CARD6: variants seen among roughly 807,000 people sequenced by gnomAD.
CARD6 encodes caspase recruitment domain family member 6, also known as caspase recruitment domain-containing protein 6.
A neutral mutation model predicts 23.6 loss-of-function variants in CARD6; 27 were observed. The observed-to-expected ratio is 1.14, with a 90% CI of 0.84 to 1.58. The LOEUF (loss-of-function observed/expected upper bound fraction) is 1.58. Among genes scored for constraint, CARD6 ranks in the 40% most tolerant of loss-of-function variants. The pLI, the probability that CARD6 is intolerant of heterozygous loss-of-function variation, is 0.00. For missense variants in CARD6, 1,214 were observed against 1,209.9 expected (o/e 1.00, Z -0.05); for synonymous variants, 397 against 431.8 (o/e 0.92, Z 1.00).
chr5:40,854,408 C>T lies in CARD6; in HGVS notation c.3076C>T (p.His1026Tyr), dbSNP rs1010948841. 6.2e-7 allele frequency: 1 copy of T among 1,613,968 alleles called. No homozygotes were observed. The highest frequency in any genetic ancestry group is 2.2e-5 in the East Asian group (1 of 44,896). Residue 1026 changes from histidine (H) to tyrosine (Y), a missense_variant, in exon 3 of 3, where the codon CAC becomes TAC. Transcript: ENST00000254691. Reference sequence around the variant, plus strand: ...CAATCCTTCACAAGCTAAGGCACACCACTCAAAAGCAGGGCAGAAGAGGGG... The same window carrying T: ...CAATCCTTCACAAGCTAAGGCACACTACTCAAAAGCAGGGCAGAAGAGGGG... ...STNPSQAKAH[H>Y]SKAGQKRGGK...
Position 40,852,895 on chromosome 5 carries a change from CT to C in CARD6, c.1568del (p.Phe523SerfsTer14). The C allele has an allele frequency of 6.2e-7, 1 of 1,613,920 alleles. No individual in the cohort carries two copies. ...PDSDDRKENPFFQKPVALANL... is the reference protein window; with the variant it reads ...PDSDDRKENPXFQKPVALANL... ...ATAGCGATGATAGAAAGGAAAACCC[CT>C]TTTTCCAAAAGCCTGTTGCTCTGGC... On this transcript the variant is annotated frameshift_variant, in exon 3 of 3. Coordinates refer to ENST00000254691, the MANE Select transcript of CARD6 (RefSeq NM_032587.4). LOFTEE classifies it low-confidence loss of function (END_TRUNC).
intron 2 of CARD6, among the ~76,000 whole-genome samples, chr5:40,846,570 C>A (rs1238656437): frequency 6.6e-6 from 1 of 152,124 alleles, no homozygotes; most frequent in Admixed American, 6.5e-5. Flanking sequence ...GAGGGTCATG[C>A]TCCCTCTGGA....
intron 2 of CARD6, among the ~76,000 whole-genome samples, chr5:40,849,960 A>G (rs1397604161): frequency 6.6e-6 from 1 of 151,728 alleles, no homozygotes; most frequent in South Asian, 2.1e-4. Context: ...AGCCTAGGTA[A>G]CAGTACAAGA....
chr5:40,842,019 T>C (rs542226064), intron 1 of CARD6, among the ~76,000 whole-genome samples: 4 of 152,332 alleles, frequency 2.6e-5, no homozygotes, highest in Non-Finnish European at 4.4e-5. Flanking sequence ...AGTAGATGAA[T>C]TCGTGGATAT....
chr5:40,844,243 T>A (rs1745929127), intron 2 of CARD6, among the ~76,000 whole-genome samples: 1 of 152,122 alleles, frequency 6.6e-6, no homozygotes, highest in Non-Finnish European at 1.5e-5. Context: ...TTTCTTTATT[T>A]AAAAAAAATT....
intron 2 of CARD6, among the ~76,000 whole-genome samples, chr5:40,850,914 A>G (rs1746054453): frequency 6.6e-6 from 1 of 152,170 alleles, no homozygotes; most frequent in Non-Finnish European, 1.5e-5. Context: ...ATGGAGTACC[A>G]TGAAATAGCT....
At chr5:40,846,914 G>C (rs1276815295) in intron 2 of CARD6, among the ~76,000 whole-genome samples, 2 of 152,104 alleles carry the variant, frequency 1.3e-5, no homozygotes, top group African/African-American at 4.8e-5. Flanking sequence ...ACATTCTGTT[G>C]ACCAAAGCAA....
Position 40,854,552 on chromosome 5 carries a change from A to T in CARD6, c.*106A>T. On this transcript the variant is annotated 3_prime_UTR_variant, in exon 3 of 3. Coordinates refer to ENST00000254691, the MANE Select transcript of CARD6 (RefSeq NM_032587.4). Reference sequence around the variant, plus strand: ...AAAGTAAAAGACTACTGTCATTAGCATGTAAAACAAAGAAAGATATACATG... The same window carrying T: ...AAAGTAAAAGACTACTGTCATTAGCTTGTAAAACAAAGAAAGATATACATG... 1 of 878,692 alleles carries T rather than the reference A, an allele frequency of 1.1e-6. No homozygotes were observed. The highest frequency in any genetic ancestry group is 1.8e-6 in the Non-Finnish European group (1 of 559,242). 54.4% of individuals were successfully genotyped at this position (878,692 alleles called of 1,614,324 possible).
Position 40,853,674 on chromosome 5 carries a change from A to G in CARD6, c.2342A>G (p.Lys781Arg), listed in dbSNP as rs1369874655. 2 of 1,614,194 alleles carry G rather than the reference A, an allele frequency of 1.2e-6. No individual in the cohort carries two copies. The highest frequency in any genetic ancestry group is 2.2e-5 in the East Asian group (1 of 44,890). ...FQNAGAQGRG[K>R]SFGIQSFHPQ... is the part of the protein sequence containing the mutation. ...AATGCAGGGGCCCAGGGCCGAGGTA[A>G]AAGTTTTGGTATTCAATCCTTCCAT... The change falls in exon 3 of 3, where the codon AAA (lysine) becomes AGA (arginine). Residue 781 changes from lysine (K) to arginine (R), a missense_variant. Transcript: ENST00000254691.
intron 2 of CARD6, among the ~76,000 whole-genome samples, chr5:40,844,688 T>C (rs910847758): frequency 6.6e-6 from 1 of 152,150 alleles, no homozygotes; most frequent in African/African-American, 2.4e-5. Context: ...ATAATCCACT[T>C]ATGGGTAGGA....
chr5:40,851,626 G>A (rs1215056119), intron 2 of CARD6, among the ~76,000 whole-genome samples: 1 of 151,668 alleles, frequency 6.6e-6, no homozygotes, highest in Non-Finnish European at 1.5e-5. Flanking sequence ...GACCAGCCTA[G>A]CCAACATGGT....
chr5:40,853,754 G>A lies in CARD6; in HGVS notation c.2422G>A (p.Gly808Arg), dbSNP rs754194152. The A allele has an allele frequency of 3.1e-6, 5 of 1,614,048 alleles. No homozygotes were observed. In the African/African-American group the frequency reaches 5.3e-5, roughly 17 times the overall value. The change falls in exon 3 of 3, where the codon GGA (glycine) becomes AGA (arginine). Residue 808 changes from glycine (G) to arginine (R), a missense_variant. Transcript: ENST00000254691. ...CATGAAATTTTCCAGAGTTGCTCGG[G>A]GATGTCACTCGAATGGAACATTTGG... The part of the protein sequence containing the change: ...RFMKFSRVAR[G>R]CHSNGTFGRL...
chr5:40,852,772 GA>G lies in CARD6; in HGVS notation c.1443del (p.Lys481AsnfsTer27), dbSNP rs1561216223. On this transcript the variant is annotated frameshift_variant, in exon 3 of 3. Transcript: ENST00000254691. LOFTEE classifies it low-confidence loss of function (END_TRUNC). ...LNTLLSPAQL[K>X]LHKIFLHQDL... is the part of the protein sequence containing the mutation. ...ACACACTTCTCAGCCCTGCCCAGTT[GA>G]AATTACACAAAATCTTTCTTCATCA... 6.2e-7 allele frequency: 1 copy of G among 1,614,114 alleles called. No individual in the cohort carries two copies. The highest frequency in any genetic ancestry group is 8.5e-7 in the Non-Finnish European group (1 of 1,180,026).
rs1746130881 is a variant in CARD6, at chr5:40,853,838, A to G, written c.2506A>G (p.Met836Val). The change falls in exon 3 of 3, where the codon ATG (methionine) becomes GTG (valine). Residue 836 changes from methionine to valine, a missense_variant. Transcript: ENST00000254691. The part of the protein sequence containing the change: ...VQACPERPQM[M>V]GTLERSRAVA... ...GGCCTGCCCTGAGAGACCACAAATG[A>G]TGGGAACTCTTGAAAGGTCTAGGGC... The G allele has an allele frequency of 1.2e-6, 2 of 1,614,186 alleles. No homozygotes were observed. The highest frequency in any genetic ancestry group is 4.5e-5 in the East Asian group (2 of 44,876).
At position 40,852,315 on chromosome 5, in the gene CARD6, A is replaced by G. The variant is rs1475868048; in HGVS notation, c.983A>G (p.Asn328Ser). The change falls in exon 3 of 3, where the codon AAT becomes AGT. Residue 328 changes from asparagine to serine, a missense_variant. By Grantham distance (46) the Asn-to-Ser change is conservative. Coordinates refer to ENST00000254691, the MANE Select transcript of CARD6 (RefSeq NM_032587.4). ...GAGAGTCCAGGAGACTTAGCCTGGA[A>G]TTTCCTGATGAAAGTTCAAGCACGA... ...TPESPGDLAW[N>S]FLMKVQARDV... 2 of 1,614,048 alleles carry G rather than the reference A, an allele frequency of 1.2e-6. No individual in the cohort carries two copies. The highest frequency in any genetic ancestry group is 1.7e-5 in the Admixed American group (1 of 60,002).
intron 2 of CARD6, among the ~76,000 whole-genome samples, chr5:40,847,098 C>T (rs1327476462): frequency 2.6e-5 from 4 of 152,176 alleles, no homozygotes; most frequent in Non-Finnish European, 5.9e-5. Context: ...TTATGATCTG[C>T]AATGTAATTC....
rs1275487861 is a variant in CARD6 at position 40,853,302 on chromosome 5, T to A, written c.1970T>A (p.Val657Glu). The part of the protein sequence containing the change: ...AALARELGIQ[V>E]DEDFENTQRI... ...CTGGCCAGGGAGCTGGGGATTCAGGTAGATGAAGACTTTGAAAACACTCAG... is the reference window on the plus strand; with the variant it reads ...CTGGCCAGGGAGCTGGGGATTCAGGAAGATGAAGACTTTGAAAACACTCAG... Residue 657 changes from valine (V) to glutamate (E), a missense_variant, in exon 3 of 3, where the codon GTA becomes GAA. By Grantham distance (121) the Val-to-Glu change is moderately radical. Coordinates refer to ENST00000254691, the MANE Select transcript of CARD6 (RefSeq NM_032587.4). 1.9e-6 allele frequency: 3 copies of A among 1,614,150 alleles called. No homozygotes were observed. The highest frequency in any genetic ancestry group is 3.3e-5 in the Admixed American group (2 of 60,020).
At chr5:40,844,243 T>TA (rs899504335) in intron 2 of CARD6, among the ~76,000 whole-genome samples, 7 of 152,122 alleles carry the variant, frequency 4.6e-5, no homozygotes, top group African/African-American at 1.2e-4. Context: ...TTTCTTTATT[T>TA]AAAAAAAATT....
chr5:40,850,167 G>T (rs1344254321), intron 2 of CARD6, among the ~76,000 whole-genome samples: 1 of 151,280 alleles, frequency 6.6e-6, no homozygotes, highest in East Asian at 2.0e-4. Flanking sequence ...GTAATCCCAG[G>T]ACTTTGGGAG....
Sources: gnomAD v4.1 joint callset for allele counts (sites outside exome capture counted in the v4.1 genomes callset) on GRCh38, gnomAD v4.1.1 for gene constraint, MANE v1.5 for transcripts, NCBI Gene and HGNC (gene_info 2026-07-23, HGNC 2026-07-21) for gene names.